Variants in MDGA2 observed in about 807,000 individuals in gnomAD.
MDGA2 encodes the protein MAM domain-containing glycosylphosphatidylinositol anchor protein 2.
A neutral mutation model predicts 117.8 loss-of-function variants in MDGA2; 40 were observed. That is an observed-to-expected ratio of 0.34 (90% CI 0.26 to 0.44). The LOEUF (loss-of-function observed/expected upper bound fraction) is 0.44. Ranked by LOEUF, MDGA2 falls within the 20% of genes least tolerant of loss-of-function variation. The pLI is 1.00. For synonymous variants in MDGA2, 452 were observed against 439.0 expected (o/e 1.03, Z -0.37); for missense variants, 1,123 against 1,250.6 (o/e 0.90, Z 1.54).
intron 8 of MDGA2, among the ~76,000 whole-genome samples, chr14:47,012,565 G>A (rs1887931126): frequency 6.6e-6 from 1 of 152,092 alleles, no homozygotes; most frequent in Non-Finnish European, 1.5e-5. Context: ...TGTACATTTG[G>A]AGAGTGACTT....
intron 3 of MDGA2, among the ~76,000 whole-genome samples, chr14:47,205,877 TC>T (rs930996468): frequency 6.6e-6 from 1 of 152,012 alleles, no homozygotes; most frequent in Admixed American, 6.6e-5. Flanking sequence ...ACCACTGTGT[TC>T]CCAGCACTGA....
intron 1 of MDGA2, among the ~76,000 whole-genome samples, chr14:47,490,306 G>C (rs1311937453): frequency 6.6e-6 from 1 of 152,018 alleles, no homozygotes; most frequent in Non-Finnish European, 1.5e-5. Flanking sequence ...GCACTAGTAT[G>C]CATATATAGA....
intron 1 of MDGA2, among the ~76,000 whole-genome samples, chr14:47,620,202 A>G (rs1283214078): frequency 1.3e-5 from 2 of 152,260 alleles, no homozygotes; most frequent in Admixed American, 1.3e-4. Flanking sequence ...AGAATATTTT[A>G]TCAAACTATG....
At chr14:47,246,019 G>C (rs1887226270) in intron 2 of MDGA2, among the ~76,000 whole-genome samples, 1 of 151,796 alleles carries the variant, frequency 6.6e-6, no homozygotes, top group Admixed American at 6.6e-5. Flanking sequence ...GATTAGTGGA[G>C]CTGAGCTTCA....
chr14:47,324,212 T>C (rs1890073348), intron 1 of MDGA2, among the ~76,000 whole-genome samples: 1 of 151,964 alleles, frequency 6.6e-6, no homozygotes, highest in Non-Finnish European at 1.5e-5. Context: ...ACCATTGCGC[T>C]CCAGCCTGGG....
At chr14:46,888,863 A>G (rs946764445) in intron 10 of MDGA2, among the ~76,000 whole-genome samples, 1 of 151,946 alleles carries the variant, frequency 6.6e-6, no homozygotes, top group Non-Finnish European at 1.5e-5. Context: ...TTTTTATGTA[A>G]CTCTATAAAA....
chr14:47,569,971 T>C (rs931444281), intron 1 of MDGA2, among the ~76,000 whole-genome samples: 3 of 152,188 alleles, frequency 2.0e-5, no homozygotes, highest in Admixed American at 2.0e-4. Context: ...ATAAAATGTT[T>C]AGGCAAAATA....
At chr14:47,340,305 AC>A (rs1027689304) in intron 1 of MDGA2, among the ~76,000 whole-genome samples, 2 of 152,174 alleles carry the variant, frequency 1.3e-5, no homozygotes, top group African/African-American at 4.8e-5. Flanking sequence ...TAGAATTCCT[AC>A]TTGTCAATTT....
chr14:47,072,272 T>C (rs1350932269), intron 6 of MDGA2, among the ~76,000 whole-genome samples: 2 of 152,124 alleles, frequency 1.3e-5, no homozygotes, highest in African/African-American at 4.8e-5. Flanking sequence ...ATAGAGACAT[T>C]ATAGAAAGCT....
chr14:47,225,433 T>G (rs1310625764), intron 2 of MDGA2, among the ~76,000 whole-genome samples: 2 of 151,916 alleles, frequency 1.3e-5, no homozygotes, highest in Non-Finnish European at 2.9e-5. Flanking sequence ...AATGATAGAC[T>G]GGATTAAGAA....
intron 1 of MDGA2, among the ~76,000 whole-genome samples, chr14:47,428,939 C>T (rs1892744047): frequency 1.3e-5 from 2 of 151,890 alleles, no homozygotes; most frequent in Admixed American, 1.3e-4. Context: ...AAATCACAAA[C>T]TGATAATGGG....
At chr14:47,543,610 T>C (rs1026221691) in intron 1 of MDGA2, among the ~76,000 whole-genome samples, 18 of 152,224 alleles carry the variant, frequency 1.2e-4, no homozygotes, top group African/African-American at 4.1e-4. Flanking sequence ...TAATGACCCT[T>C]GTTCTTGCCA....
intron 1 of MDGA2, among the ~76,000 whole-genome samples, chr14:47,497,863 C>G (rs983638300): frequency 2.0e-5 from 3 of 152,034 alleles, no homozygotes; most frequent in Admixed American, 1.3e-4. Flanking sequence ...ATTTCTGTTA[C>G]CCAATCAGTA....
intron 3 of MDGA2, among the ~76,000 whole-genome samples, chr14:47,176,901 A>G (rs995980310): frequency 1.3e-5 from 2 of 152,216 alleles, no homozygotes; most frequent in African/African-American, 4.8e-5. Flanking sequence ...CAACCTACTC[A>G]TCTGACAAAG....
chr14:47,528,253 C>G (rs889922650), intron 1 of MDGA2, among the ~76,000 whole-genome samples: 1 of 152,166 alleles, frequency 6.6e-6, no homozygotes, highest in South Asian at 2.1e-4. Context: ...TCTGACCCAC[C>G]ATGCTCTCAT....
chr14:47,645,821 C>G (rs978972126), intron 1 of MDGA2, among the ~76,000 whole-genome samples: 42 of 151,698 alleles, frequency 2.8e-4, no homozygotes, highest in Admixed American at 1.6e-3. Context: ...GCCTGTAATC[C>G]CAGCACTCTG....
chr14:47,122,627 T>C (rs1017342635), intron 5 of MDGA2, among the ~76,000 whole-genome samples: 2 of 152,104 alleles, frequency 1.3e-5, no homozygotes, highest in African/African-American at 4.8e-5. Context: ...AAAAGCAAAT[T>C]GTCAGTAAAT....
intron 1 of MDGA2, among the ~76,000 whole-genome samples, chr14:47,458,765 C>A (rs770891979): frequency 3.3e-5 from 5 of 151,784 alleles, no homozygotes; most frequent in Non-Finnish European, 7.4e-5. Flanking sequence ...TCAAGGTGCA[C>A]CCTTAATATA....
intron 9 of MDGA2, among the ~76,000 whole-genome samples, chr14:46,939,970 C>T (rs1473330307): frequency 6.6e-6 from 1 of 152,132 alleles, no homozygotes; most frequent in East Asian, 1.9e-4. Flanking sequence ...ACGACTCTTA[C>T]CCTGGTATAG....
Sources: gnomAD v4.1 joint callset for allele counts (sites outside exome capture counted in the v4.1 genomes callset) on GRCh38, gnomAD v4.1.1 for gene constraint, MANE v1.5 for transcripts, NCBI Gene and HGNC (gene_info 2026-07-23, HGNC 2026-07-21) for gene names.